CACNA1C: variants seen among roughly 807,000 people sequenced by gnomAD.
CACNA1C encodes the protein calcium voltage-gated channel subunit alpha1 C.
CACNA1C carries 30 observed loss-of-function variants against 229.0 expected under a neutral mutation model. That is an observed-to-expected ratio of 0.13 (90% CI 0.10 to 0.18). CACNA1C has a LOEUF of 0.18. CACNA1C is among the 10% of genes least tolerant of loss of function. The probability of loss-of-function intolerance (pLI) is 1.00; values close to 1 mark genes in which losing one functional copy is unlikely to be tolerated. For synonymous variants in CACNA1C, 1,114 were observed against 1,132.5 expected, an observed-to-expected ratio of 0.98 and a Z score of 0.33; for missense variants, 1,658 against 2,845.0, an observed-to-expected ratio of 0.58 and a Z score of 9.49.
intron 42 of CACNA1C, chr12:2,682,152 T>G: frequency 1.4e-6 from 1 of 718,292 alleles, no homozygotes; most frequent in African/African-American, 1.7e-5. Flanking sequence ...CTATGCCAAA[T>G]GCCAAAGACC....
chr12:2,163,376 G>A (rs566246714), intron 3 of CACNA1C, among the ~76,000 whole-genome samples: 1 of 152,272 alleles, frequency 6.6e-6, no homozygotes, highest in Non-Finnish European at 1.5e-5. Flanking sequence ...CACCAGGCCA[G>A]GTTCATACAG....
rs914542747 is a variant in CACNA1C at position 2,181,542 on chromosome 12, A to C, written c.477+61112A>C. Among the ~76,000 whole-genome samples, 2 of 152,174 alleles carry C rather than the reference A, an allele frequency of 1.3e-5. No homozygotes were observed. The highest frequency in any genetic ancestry group is 4.8e-5 in the African/African-American group (2 of 41,444). On this transcript the variant is annotated intron_variant, in intron 3 of 46. Transcript: ENST00000399655. The surrounding 1 kb of genome is among the most constrained non-coding windows in gnomAD (Gnocchi z 4.0). Reference sequence around the variant, plus strand: ...GCAGATTTGAGGGTCATGCCCATGAAAACAAATCCAGGTGTTTTATTTTAT... The same window carrying C: ...GCAGATTTGAGGGTCATGCCCATGACAACAAATCCAGGTGTTTTATTTTAT...
At chr12:2,407,761 T>C (rs148089893) in intron 3 of CACNA1C, among the ~76,000 whole-genome samples, 5 of 151,306 alleles carry the variant, frequency 3.3e-5, no homozygotes, top group African/African-American at 1.2e-4. Context: ...TCCTGATAAG[T>C]GTGCAGTGGT....
At chr12:2,005,938 A>G (rs914824566) in intron 1 of CACNA1C, among the ~76,000 whole-genome samples, 2 of 152,382 alleles carry the variant, frequency 1.3e-5, no homozygotes, top group East Asian at 3.9e-4. Flanking sequence ...AAACTCTATT[A>G]AAATATCCAT....
Position 2,425,094 on chromosome 12 carries a change from G to A in CACNA1C, c.478-23882G>A, listed in dbSNP as rs141729224. Reference sequence around the variant, plus strand: ...CCCTGGCTGTCACATTCCCCAGGGAGGGATAGGCCCGGAATCATTGCTAGG... The same window carrying A: ...CCCTGGCTGTCACATTCCCCAGGGAAGGATAGGCCCGGAATCATTGCTAGG... On this transcript the variant is annotated intron_variant, in intron 3 of 46. Coordinates refer to ENST00000399655, the MANE Select transcript of CACNA1C (RefSeq NM_000719.7). Among the ~76,000 whole-genome samples, 1,410 of 152,362 alleles carry A rather than the reference G, an allele frequency of 9.3e-3. 10 individuals carry two copies. The highest frequency in any genetic ancestry group is 0.016 in the Non-Finnish European group (1,097 of 68,036).
intron 3 of CACNA1C, among the ~76,000 whole-genome samples, chr12:2,262,048 C>T (rs759165240): frequency 1.1e-4 from 16 of 152,254 alleles, no homozygotes; most frequent in Non-Finnish European, 2.1e-4. Flanking sequence ...TTCTGATCTA[C>T]AGCAGAGTCA....
chr12:2,547,668 T>A, intron 9 of CACNA1C: 1 of 637,884 alleles, frequency 1.6e-6, no homozygotes. Context: ...TGTGTGTGTG[T>A]GTGTTTGTGA....
intron 3 of CACNA1C, among the ~76,000 whole-genome samples, chr12:2,316,394 G>T (rs73605740): frequency 6.6e-6 from 1 of 152,154 alleles, no homozygotes; most frequent in Non-Finnish European, 1.5e-5. Flanking sequence ...TGTGGTAAAC[G>T]TTCAAGAGTG....
chr12:2,600,763 CA>C (rs1479967294), intron 21 of CACNA1C, among the ~76,000 whole-genome samples: 2 of 152,182 alleles, frequency 1.3e-5, no homozygotes, highest in Admixed American at 6.5e-5. Flanking sequence ...TTCACAAAGC[CA>C]GGGGATAGTT....
At chr12:2,015,130 A>G (rs117094257) in intron 1 of CACNA1C, among the ~76,000 whole-genome samples, 2,047 of 152,260 alleles carry the variant, frequency 0.013, 18 homozygotes, top group Non-Finnish European at 0.022. Context: ...ATGTTGCTCT[A>G]TGAAAGGGCT....
chr12:2,572,866 CCTT>C (rs1477566436), intron 13 of CACNA1C, among the ~76,000 whole-genome samples: 1 of 127,162 alleles, frequency 7.9e-6, no homozygotes, highest in Non-Finnish European at 1.7e-5. Context: ...TCCTCCTCCT[CCTT>C]CTCTTCTTCT....
chr12:2,055,200 C>T (rs2054199769), intron 1 of CACNA1C, among the ~76,000 whole-genome samples: 1 of 152,218 alleles, frequency 6.6e-6, no homozygotes, highest in South Asian at 2.1e-4. Flanking sequence ...GATCCCCTCT[C>T]CCTTCTGTAG....
intron 1 of CACNA1C, among the ~76,000 whole-genome samples, chr12:2,040,318 C>G (rs1265286253): frequency 6.6e-6 from 1 of 152,160 alleles, no homozygotes; most frequent in Non-Finnish European, 1.5e-5. Context: ...GAACATCCAT[C>G]TTGGTGAGCC....
In CACNA1C at chr12:2,564,473, C is replaced by T. The variant is rs1184735637; in HGVS notation, c.1509-1949C>T. On this transcript the variant is annotated intron_variant, in intron 11 of 46. Coordinates refer to ENST00000399655, the MANE Select transcript of CACNA1C (RefSeq NM_000719.7). ...ACCAGGATTCTACTTTGTTTCTCCT[C>T]CTGCCTTCATTACCCAGGCAGGAGC... Among the ~76,000 whole-genome samples, 9 of 152,176 alleles carry T rather than the reference C, an allele frequency of 5.9e-5. 1 individual carries two copies. In the East Asian group the frequency reaches 1.5e-3, roughly 26 times the overall value.
intron 13 of CACNA1C, among the ~76,000 whole-genome samples, chr12:2,578,152 G>A (rs1375447746): frequency 1.3e-5 from 2 of 152,198 alleles, no homozygotes; most frequent in African/African-American, 2.4e-5. Context: ...ACAGGCGTGA[G>A]CCACCGCGCC....
Position 2,504,695 on chromosome 12 carries a change from C to T in CACNA1C, c.1114-147C>T. The T allele has an allele frequency of 1.3e-6, 1 of 741,044 alleles. No individual in the cohort carries two copies. The highest frequency in any genetic ancestry group is 1.8e-5 in the African/African-American group (1 of 57,062). 45.9% of individuals were successfully genotyped at this position (741,044 alleles called of 1,614,324 possible). On this transcript the variant is annotated intron_variant, in intron 7 of 46. Transcript: ENST00000399655. This position sits in a 1 kb window ranked among gnomAD's most constrained non-coding sequence, Gnocchi z 6.8. The stretch of plus-strand genomic sequence containing the variant: ...TCAACCACAGATTCTGACCCATTGG[C>T]CAGGCAGGCTGTTTGGCCTCTGATT...
chr12:2,095,823 G>T (rs1444455122), intron 1 of CACNA1C, among the ~76,000 whole-genome samples: 4 of 152,206 alleles, frequency 2.6e-5, no homozygotes, highest in Non-Finnish European at 4.4e-5. Context: ...TTTAGGAGTG[G>T]AGAGGTCAGT....
At chr12:2,325,303 C>T (rs938642910) in intron 3 of CACNA1C, among the ~76,000 whole-genome samples, 1 of 152,216 alleles carries the variant, frequency 6.6e-6, no homozygotes, top group African/African-American at 2.4e-5. Flanking sequence ...ATCCAAGAAA[C>T]TCTCTGATAC....
intron 1 of CACNA1C, among the ~76,000 whole-genome samples, chr12:1,993,684 T>C (rs2040093302): frequency 6.6e-6 from 1 of 151,990 alleles, no homozygotes; most frequent in Non-Finnish European, 1.5e-5. Flanking sequence ...TTTCTTAACC[T>C]AACGTTGTAA....
Sources: gnomAD v4.1 joint callset for allele counts (sites outside exome capture counted in the v4.1 genomes callset) on GRCh38, gnomAD v4.1.1 for gene constraint, Gnocchi (gnomAD v3.1) non-coding constraint, MANE v1.5 for transcripts, NCBI Gene and HGNC (gene_info 2026-07-23, HGNC 2026-07-21) for gene names.